PAPPA: variants seen among roughly 807,000 people sequenced by gnomAD.
PAPPA encodes pappalysin-1.
PAPPA carries 60 observed loss-of-function variants against 164.0 expected under a neutral mutation model. The observed-to-expected ratio is 0.37, with a 90% CI of 0.30 to 0.45. The LOEUF (loss-of-function observed/expected upper bound fraction) is 0.45, where lower values mean the gene tolerates loss of function less well. Ranked by LOEUF, PAPPA falls within the 20% of genes least tolerant of loss-of-function variation. The probability of loss-of-function intolerance (pLI) is 1.00; values close to 1 mark genes in which losing one functional copy is unlikely to be tolerated. For missense variants in PAPPA, 1,782 were observed against 2,087.3 expected (o/e 0.85, Z 2.85); for synonymous variants, 875 against 814.1 (o/e 1.07, Z -1.27).
intron 3 of PAPPA, among the ~76,000 whole-genome samples, chr9:116,209,192 AGAT>A (rs1360747794): frequency 6.6e-6 from 1 of 152,204 alleles, no homozygotes; most frequent in Non-Finnish European, 1.5e-5. Context: ...GCAAACTTGA[AGAT>A]GATCAGCTTA....
intron 10 of PAPPA, among the ~76,000 whole-genome samples, chr9:116,313,082 CAAAAAAAAAAA>C (rs59596284): frequency 1.5e-5 from 1 of 68,468 alleles, no homozygotes; most frequent in Non-Finnish European, 2.9e-5. Context: ...GACTCCATCT[CAAAAAAAAAAA>C]AAAAAAAAGA....
At chr9:116,304,256 T>G (rs1236608662) in intron 10 of PAPPA, among the ~76,000 whole-genome samples, 1 of 152,260 alleles carries the variant, frequency 6.6e-6, no homozygotes, top group African/African-American at 2.4e-5. Context: ...CCTCTCATGT[T>G]CAAGCAAAGG....
chr9:116,171,328 G>T (rs901826615), intron 1 of PAPPA, among the ~76,000 whole-genome samples: 1 of 152,142 alleles, frequency 6.6e-6, no homozygotes, highest in African/African-American at 2.4e-5. Flanking sequence ...GCATGGGGTT[G>T]TTTCAGTTTC....
At chr9:116,377,788 G>T (rs1295296179) in intron 20 of PAPPA, 141 bp downstream of exon 20, 3 of 631,780 alleles carry the variant, frequency 4.7e-6, no homozygotes, top group East Asian at 2.8e-5. Context: ...CTTGGACAGG[G>T]ATTAGCAGCC....
At position 116,398,718 on chromosome 9, in the gene PAPPA, T is replaced by C. The variant is rs1847003393; in HGVS notation, c.*2102T>C. 3 of 463,524 alleles carry C rather than the reference T, an allele frequency of 6.5e-6. No homozygotes were observed. 28.7% of individuals were successfully genotyped at this position (463,524 alleles called of 1,614,324 possible). A position where few individuals can be genotyped will look rare whatever the true frequency, so the allele number is the denominator to read the frequency against. On this transcript the variant is annotated 3_prime_UTR_variant, in exon 22 of 22. Coordinates refer to ENST00000328252, the MANE Select transcript of PAPPA (RefSeq NM_002581.5). ...TCACAAACTCTGAAATTGGGTTCCA[T>C]ATTGGCAAGGCTGCCACAGTTGTTA... is the stretch of plus-strand genomic sequence containing the variant.
intron 2 of PAPPA, among the ~76,000 whole-genome samples, chr9:116,195,528 C>T (rs1424574696): frequency 2.0e-5 from 3 of 152,190 alleles, no homozygotes; most frequent in Non-Finnish European, 4.4e-5. Context: ...CAGGTCTCTT[C>T]CTTTGTCAAA....
intron 18 of PAPPA, among the ~76,000 whole-genome samples, chr9:116,363,998 T>A (rs1846465244): frequency 6.6e-6 from 1 of 152,200 alleles, no homozygotes; most frequent in Non-Finnish European, 1.5e-5. Flanking sequence ...TACTTTAAGA[T>A]CTTATACAGC....
chr9:116,258,442 AG>A (rs1246486626), intron 7 of PAPPA, among the ~76,000 whole-genome samples: 1 of 152,040 alleles, frequency 6.6e-6, no homozygotes, highest in Non-Finnish European at 1.5e-5. Context: ...AGATCGCCTG[AG>A]GTTGGGAGTT....
chr9:116,355,158 G>A (rs1198229865), intron 17 of PAPPA, among the ~76,000 whole-genome samples: 1 of 151,198 alleles, frequency 6.6e-6, no homozygotes, highest in African/African-American at 2.4e-5. Flanking sequence ...CCCCACACTA[G>A]GCTGTGAAAC....
At chr9:116,365,728 G>A (rs1423717094) in intron 18 of PAPPA, among the ~76,000 whole-genome samples, 1 of 151,864 alleles carries the variant, frequency 6.6e-6, no homozygotes, top group Non-Finnish European at 1.5e-5. Flanking sequence ...TTCTCTGACT[G>A]CTTAGGGATT....
intron 4 of PAPPA, among the ~76,000 whole-genome samples, chr9:116,213,766 T>C (rs772076388): frequency 7.2e-5 from 11 of 152,142 alleles, no homozygotes; most frequent in Admixed American, 3.3e-4. Flanking sequence ...GCAGAACTAA[T>C]TCACTGAGCT....
chr9:116,303,714 G>C (rs980366692), intron 10 of PAPPA, among the ~76,000 whole-genome samples: 1 of 152,082 alleles, frequency 6.6e-6, no homozygotes, highest in African/African-American at 2.4e-5. Context: ...CCTGCCTCCT[G>C]GCCTTGCAGA....
chr9:116,317,929 C>G (rs1339949831), intron 10 of PAPPA, among the ~76,000 whole-genome samples: 2 of 152,122 alleles, frequency 1.3e-5, no homozygotes, highest in African/African-American at 4.8e-5. Flanking sequence ...AGTACAAATG[C>G]AAAAATAAAG....
chr9:116,381,952 A>C (rs1846737002), intron 20 of PAPPA, among the ~76,000 whole-genome samples: 1 of 152,216 alleles, frequency 6.6e-6, no homozygotes, highest in Non-Finnish European at 1.5e-5. Context: ...GGCAGTTTAC[A>C]TTCAGCTTCC....
rs1253409227 is a variant in PAPPA at position 116,332,374 on chromosome 9, C to T, written c.3303C>T (p.Val1101=). 2.5e-6 allele frequency: 4 copies of T among 1,613,788 alleles called. No individual in the cohort carries two copies. In the East Asian group the frequency reaches 8.9e-5, roughly 36 times the overall value. The change falls in exon 12 of 22, where the codon GTC becomes GTT. Residue 1101 remains valine, a synonymous_variant. Coordinates refer to ENST00000328252, the MANE Select transcript of PAPPA (RefSeq NM_002581.5). ...SQPMVAAAVI[V]HLVTDGTYYG... ...CAATGGTTGCCGCAGCTGTCATTGT[C>T]CACCTGGTGACGGATGGGACATATT...
Position 116,377,690 on chromosome 9 carries a change from C to A in PAPPA, c.4677+43C>A, listed in dbSNP as rs755802995. 5.8e-6 allele frequency: 8 copies of A among 1,379,152 alleles called. No homozygotes were observed. The African/African-American group carries it at 1.0e-4, about 17-fold the overall frequency. The allele number at this position is 1,379,152 out of a possible 1,614,324, so 85.4% of individuals were successfully genotyped here. A position where few individuals can be genotyped will look rare whatever the true frequency, so the allele number is the denominator to read the frequency against. Reference sequence around the variant, plus strand: ...CACTCCTCAGTTCCCTGGAAATAATCCTGCTGTTGTTATTGTTATTGTTAT... The same window carrying A: ...CACTCCTCAGTTCCCTGGAAATAATACTGCTGTTGTTATTGTTATTGTTAT... On this transcript the variant is annotated intron_variant, in intron 20 of 21. Transcript: ENST00000328252.
intron 10 of PAPPA, among the ~76,000 whole-genome samples, chr9:116,315,192 G>A (rs561655635): frequency 7.0e-4 from 107 of 152,150 alleles, no homozygotes; most frequent in Admixed American, 3.5e-3. Flanking sequence ...AAGCAGGCAG[G>A]GCCTTCTGAA....
chr9:116,313,982 C>G (rs535973157), intron 10 of PAPPA, among the ~76,000 whole-genome samples: 6 of 149,616 alleles, frequency 4.0e-5, no homozygotes, highest in African/African-American at 1.5e-4. Flanking sequence ...TGGGATAGCA[C>G]GCTTAAAGCA....
intron 20 of PAPPA, among the ~76,000 whole-genome samples, chr9:116,380,681 A>AC (rs1846719523): frequency 6.6e-6 from 1 of 152,214 alleles, no homozygotes; most frequent in Non-Finnish European, 1.5e-5. Flanking sequence ...GTCACACCTG[A>AC]ACCCACAGCC....
Sources: allele counts gnomAD v4.1 joint callset (sites outside exome capture counted in the v4.1 genomes callset), GRCh38; gene constraint gnomAD v4.1.1; transcripts MANE v1.5; gene names NCBI Gene and HGNC (gene_info 2026-07-23, HGNC 2026-07-21).